The following KLHL18 variants were observed in gnomAD, a reference collection of about 807,000 sequenced individuals.
KLHL18 encodes the protein kelch-like protein 18.
Under a neutral mutation model 58.5 loss-of-function variants are expected in KLHL18, and 38 were observed. That is an observed-to-expected ratio of 0.65 (90% CI 0.50 to 0.85). The LOEUF is 0.85. Ranked by LOEUF, KLHL18 falls within the 40% of genes least tolerant of loss-of-function variation. The pLI is 0.00. For missense variants in KLHL18, 624 were observed against 778.4 expected (o/e 0.80, Z 2.36); for synonymous variants, 303 against 301.9 (o/e 1.00, Z -0.04).
At chr3:47,296,414 G>A (rs1191154118) in intron 1 of KLHL18, among the ~76,000 whole-genome samples, 1 of 152,192 alleles carries the variant, frequency 6.6e-6, no homozygotes, top group Non-Finnish European at 1.5e-5. Context: ...GCATTTACCT[G>A]TGCTTGGTGC....
chr3:47,316,623 A>G (rs1184121768), intron 1 of KLHL18, among the ~76,000 whole-genome samples: 1 of 144,256 alleles, frequency 6.9e-6, no homozygotes, highest in Non-Finnish European at 1.5e-5. Context: ...GTATATATAC[A>G]TATATACGTA....
chr3:47,325,701 G>A (rs1703702062), intron 3 of KLHL18, among the ~76,000 whole-genome samples: 1 of 151,942 alleles, frequency 6.6e-6, no homozygotes, highest in Admixed American at 6.6e-5. Context: ...TTTTCTGGTG[G>A]CCCTATTTCC....
chr3:47,343,300 C>T (rs1365665500), intron 9 of KLHL18, among the ~76,000 whole-genome samples: 1 of 152,218 alleles, frequency 6.6e-6, no homozygotes. Flanking sequence ...CTGTCACTAC[C>T]TAGCATTGCA....
At chr3:47,329,555 G>C (rs560493207) in intron 3 of KLHL18, among the ~76,000 whole-genome samples, 6 of 152,246 alleles carry the variant, frequency 3.9e-5, no homozygotes, top group African/African-American at 1.4e-4. Context: ...CTCTAATTCT[G>C]TGACTTCAGT....
rs1367980600 is a variant in KLHL18 at position 47,332,382 on chromosome 3, GAAAA to G, written c.601-772_601-769del. 2.0e-5 allele frequency among the ~76,000 whole-genome samples: 3 copies of G among 152,094 alleles called. No homozygotes were observed. In the East Asian group the frequency reaches 5.8e-4, roughly 29 times the overall value. On this transcript the variant is annotated intron_variant, in intron 4 of 9. Coordinates refer to ENST00000232766, the MANE Select transcript of KLHL18 (RefSeq NM_025010.5). The stretch of plus-strand genomic sequence containing the variant: ...AAAAAAAAGAAAGAAAGAAAGAAAA[GAAAA>G]AAGAAATTTGAGGAGGGATTAAAAG...
intron 1 of KLHL18, among the ~76,000 whole-genome samples, chr3:47,294,154 A>C (rs1489814022): frequency 6.6e-6 from 1 of 152,192 alleles, no homozygotes; most frequent in Non-Finnish European, 1.5e-5. Flanking sequence ...TTTCTAGGGA[A>C]AAACAGATTT....
At chr3:47,302,624 C>T (rs547988044) in intron 1 of KLHL18, among the ~76,000 whole-genome samples, 2 of 152,346 alleles carry the variant, frequency 1.3e-5, no homozygotes, top group African/African-American at 4.8e-5. Context: ...AAGGGTTGGT[C>T]TTGCTGTCCC....
chr3:47,307,137 T>C (rs1393376718), intron 1 of KLHL18, among the ~76,000 whole-genome samples: 2 of 152,196 alleles, frequency 1.3e-5, no homozygotes, highest in Non-Finnish European at 2.9e-5. Context: ...AGTGGCAAGA[T>C]CCTGGCTCAC....
intron 2 of KLHL18, among the ~76,000 whole-genome samples, chr3:47,322,332 G>A (rs964263359): frequency 1.1e-4 from 16 of 152,184 alleles, no homozygotes; most frequent in African/African-American, 3.6e-4. Context: ...AATGACCGCT[G>A]TTGACTTTTT....
At chr3:47,318,556 CTGGGAGCTATTTAGAGGT>C (rs887622224) in intron 1 of KLHL18, among the ~76,000 whole-genome samples, 20 of 152,144 alleles carry the variant, frequency 1.3e-4, no homozygotes, top group Non-Finnish European at 4.4e-5. Flanking sequence ...TGAGCATTTA[CTGGGAGCTATTTAGAGGT>C]TGGGTACCAC....
In KLHL18 at chr3:47,283,050, G is replaced by A. The variant is rs1702501940; in HGVS notation, c.85G>A (p.Glu29Lys). The change falls in exon 1 of 10, where the codon GAG becomes AAG. Residue 29 changes from glutamate (E) to lysine (K), a missense_variant. Physicochemically the swap from Glu to Lys is moderately conservative, Grantham distance 56. Transcript: ENST00000232766. ...GCCTAGTCGCGGCTACGGCGTCATG[G>A]AGGAGATCCGGCGGCAGGGCAAGCT... is the stretch of plus-strand genomic sequence containing the variant. Reference protein sequence around the residue: ...ELPSRGYGVMEEIRRQGKLCD... With the variant: ...ELPSRGYGVMKEIRRQGKLCD... 3 of 1,599,052 alleles carry A rather than the reference G, an allele frequency of 1.9e-6. No homozygotes were observed. Among genetic ancestry groups the A allele is most frequent in the Non-Finnish European group, 2.6e-6 (3 of 1,173,338 alleles).
chr3:47,324,950 C>T (rs577166610), intron 3 of KLHL18, among the ~76,000 whole-genome samples: 21 of 152,320 alleles, frequency 1.4e-4, no homozygotes, highest in African/African-American at 5.1e-4. Flanking sequence ...CTATCTTTGA[C>T]ATTTTTTCAT....
At chr3:47,284,341 T>C (rs914137922) in intron 1 of KLHL18, among the ~76,000 whole-genome samples, 4 of 147,432 alleles carry the variant, frequency 2.7e-5, no homozygotes, top group South Asian at 2.2e-4. Flanking sequence ...TTTTTTCTTT[T>C]TTTTTTTTTT....
chr3:47,321,671 A>G (rs1703593142), intron 2 of KLHL18, among the ~76,000 whole-genome samples: 1 of 152,120 alleles, frequency 6.6e-6, no homozygotes, highest in South Asian at 2.1e-4. Flanking sequence ...TCTAGTAGTG[A>G]TTTGGCAGTC....
intron 7 of KLHL18, chr3:47,338,297 A>C (rs1354128570): frequency 6.6e-6 from 1 of 152,060 alleles, no homozygotes; most frequent in East Asian, 1.9e-4. Context: ...GTTTTGGGGC[A>C]CCTCTTAATT....
At chr3:47,337,744 G>A (rs1012982187) in intron 7 of KLHL18, 8 of 152,224 alleles carry the variant, frequency 5.3e-5, no homozygotes, top group Admixed American at 1.3e-4. Context: ...AAAAAAATAC[G>A]TAAGATCTGC....
intron 1 of KLHL18, among the ~76,000 whole-genome samples, chr3:47,308,580 G>A (rs549598076): frequency 6.5e-4 from 99 of 152,116 alleles, no homozygotes; most frequent in Admixed American, 1.7e-3. Flanking sequence ...TAGTAGAGAC[G>A]GGGTTTCACC....
At position 47,342,720 on chromosome 3, in the gene KLHL18, T is replaced by C. The variant is rs1704135324; in HGVS notation, c.1228T>C (p.Trp410Arg). 1.2e-6 allele frequency: 2 copies of C among 1,613,616 alleles called. No individual in the cohort carries two copies. The highest frequency in any genetic ancestry group is 2.2e-5 in the East Asian group (1 of 44,894). ...VETYSPETDK[W>R]TVVTSMSSNR... ...TCCTATTTTGACTCTTTCCTGAAGA[T>C]GGACAGTGGTGACCTCGATGAGCTC... Residue 410 changes from tryptophan (W) to arginine (R), a missense_variant and splice_region_variant, in exon 9 of 10, where the codon TGG becomes CGG. Physicochemically the swap from Trp to Arg is moderately radical, Grantham distance 101. Transcript: ENST00000232766.
chr3:47,284,201 C>CA (rs1442680540), intron 1 of KLHL18, among the ~76,000 whole-genome samples: 1 of 152,084 alleles, frequency 6.6e-6, no homozygotes, highest in Non-Finnish European at 1.5e-5. Context: ...CACTGCACTC[C>CA]AGCCTGGGCA....
Sources: allele counts gnomAD v4.1 joint callset (sites outside exome capture counted in the v4.1 genomes callset), GRCh38; gene constraint gnomAD v4.1.1; transcripts MANE v1.5; gene names NCBI Gene and HGNC (gene_info 2026-07-23, HGNC 2026-07-21).